ITPK1: variants seen among roughly 807,000 people sequenced by gnomAD.
ITPK1 encodes inositol 1,3,4-trisphosphate 5/6-kinase.
In ITPK1, 21 loss-of-function variants were observed where a neutral mutation model predicts 45.3. The observed-to-expected ratio is 0.46, with a 90% CI of 0.33 to 0.67. The LOEUF (loss-of-function observed/expected upper bound fraction) is 0.67, where lower values mean the gene tolerates loss of function less well. Ranked by LOEUF, ITPK1 falls within the 30% of genes least tolerant of loss-of-function variation. The pLI is 0.02. For synonymous variants in ITPK1, 258 were observed against 253.6 expected, an observed-to-expected ratio of 1.02 and a Z score of -0.16; for missense variants, 474 against 573.5, an observed-to-expected ratio of 0.83 and a Z score of 1.77.
intron 2 of ITPK1, among the ~76,000 whole-genome samples, chr14:93,112,998 G>A (rs917093527): frequency 1.3e-5 from 2 of 152,194 alleles, no homozygotes; most frequent in Non-Finnish European, 2.9e-5. Flanking sequence ...CCACCAGGGG[G>A]CACTGCCCTG....
At chr14:92,946,247 C>T in intron 10 of ITPK1, 84 bp downstream of exon 10, 1 of 1,514,496 alleles carries the variant, frequency 6.6e-7, no homozygotes, top group Non-Finnish European at 9.0e-7. Flanking sequence ...GCTTTCTGGC[C>T]TCAGTCACCC....
intron 2 of ITPK1, among the ~76,000 whole-genome samples, chr14:93,099,379 C>T (rs933997207): frequency 6.6e-6 from 1 of 152,172 alleles, no homozygotes; most frequent in East Asian, 1.9e-4. Context: ...ATTGTGTTTA[C>T]ATAACACGAG....
At chr14:93,044,872 G>C (rs1889715109) in intron 3 of ITPK1, among the ~76,000 whole-genome samples, 2 of 152,130 alleles carry the variant, frequency 1.3e-5, no homozygotes, top group East Asian at 3.9e-4. Context: ...TGGTTCTTTA[G>C]GATATATCTT....
intron 4 of ITPK1, among the ~76,000 whole-genome samples, chr14:92,999,260 G>A (rs1049476212): frequency 6.6e-6 from 1 of 152,226 alleles, no homozygotes; most frequent in Non-Finnish European, 1.5e-5. Flanking sequence ...GCACCTTCCC[G>A]TATTTGCGGG....
rs1566784470 is a variant in ITPK1, at chr14:93,097,488, A to ACG, written c.95+17580_95+17581insCG. On this transcript the variant is annotated intron_variant, in intron 2 of 10. Coordinates refer to ENST00000267615, the MANE Select transcript of ITPK1 (RefSeq NM_014216.6). Reference sequence around the variant, plus strand: ...CCCCTTACCAGACTGCAAGCTGACCACACACACGCAAGGGATTCCTAGCAA... The same window carrying ACG: ...CCCCTTACCAGACTGCAAGCTGACCACGCACACACGCAAGGGATTCCTAGCAA... 6.5e-4 allele frequency among the ~76,000 whole-genome samples: 99 copies of ACG among 152,130 alleles called. 1 individual carries two copies. In the Middle Eastern group the frequency reaches 0.017, roughly 26 times the overall value.
intron 3 of ITPK1, among the ~76,000 whole-genome samples, chr14:93,059,784 ACGAGGCAGGGGTGGAGGGGGTGGGGGTCC>A (rs1890434357): frequency 1.5e-5 from 1 of 67,240 alleles, no homozygotes; most frequent in African/African-American, 6.3e-5. Context: ...GGTGCTGGTC[ACGAGGCAGGGGTGGAGGGGGTGGGGGTCC>A]CGAGGCAGGG....
intron 4 of ITPK1, among the ~76,000 whole-genome samples, chr14:93,001,242 A>C (rs1175464738): frequency 6.6e-6 from 1 of 152,082 alleles, no homozygotes; most frequent in Non-Finnish European, 1.5e-5. Flanking sequence ...GCATGAGCTG[A>C]GATTGTGCCA....
chr14:92,960,464 C>T (rs1020154382), intron 7 of ITPK1, among the ~76,000 whole-genome samples: 5 of 152,216 alleles, frequency 3.3e-5, no homozygotes, highest in Non-Finnish European at 5.9e-5. Context: ...CCGCTAACGT[C>T]TCCAGTCACA....
At chr14:93,035,878 G>A (rs1889295228) in intron 3 of ITPK1, among the ~76,000 whole-genome samples, 2 of 152,230 alleles carry the variant, frequency 1.3e-5, no homozygotes, top group African/African-American at 4.8e-5. Context: ...CTGGGCCCAG[G>A]GCCTAGCCAG....
At chr14:93,025,217 A>T (rs1888678708) in intron 3 of ITPK1, among the ~76,000 whole-genome samples, 1 of 152,026 alleles carries the variant, frequency 6.6e-6, no homozygotes, top group African/African-American at 2.4e-5. Context: ...CTCCAAGATG[A>T]AGGGCCTGGC....
intron 2 of ITPK1, among the ~76,000 whole-genome samples, chr14:93,107,957 C>T (rs1329591536): frequency 6.6e-6 from 1 of 152,210 alleles, no homozygotes; most frequent in Non-Finnish European, 1.5e-5. Context: ...CACCGTGGGC[C>T]GCAGCCGGGA....
At chr14:92,983,127 A>G (rs1220136516) in intron 5 of ITPK1, among the ~76,000 whole-genome samples, 1 of 152,178 alleles carries the variant, frequency 6.6e-6, no homozygotes. Context: ...AGCCCAGGAG[A>G]AGAGGAGCCA....
intron 4 of ITPK1, among the ~76,000 whole-genome samples, chr14:93,001,159 G>C (rs1358991708): frequency 6.6e-6 from 1 of 151,632 alleles, no homozygotes; most frequent in African/African-American, 2.4e-5. Context: ...CGGGCATGGT[G>C]GTGGGCGCCT....
chr14:93,032,183 C>G lies in ITPK1; in HGVS notation c.121-15382G>C, dbSNP rs1889095969. Among the ~76,000 whole-genome samples the G allele has an allele frequency of 6.6e-6, 1 of 152,130 alleles. No individual in the cohort carries two copies. Among genetic ancestry groups the G allele is most frequent in the Non-Finnish European group, 1.5e-5 (1 of 68,034 alleles). The stretch of plus-strand genomic sequence containing the variant: ...TGGGCAACACAGTGAAACCCCATCT[C>G]TACTAAAAGTGCAAAAATTAGCTGG... On this transcript the variant is annotated intron_variant, in intron 3 of 10. Coordinates refer to ENST00000267615, the MANE Select transcript of ITPK1 (RefSeq NM_014216.6). This position sits in a 1 kb window ranked among gnomAD's most constrained non-coding sequence, Gnocchi z 4.0.
intron 3 of ITPK1, among the ~76,000 whole-genome samples, chr14:93,051,582 C>T (rs1890009435): frequency 6.6e-6 from 1 of 151,324 alleles, no homozygotes; most frequent in Non-Finnish European, 1.5e-5. Flanking sequence ...TGCCACTGCA[C>T]TCCAGCCTGG....
chr14:92,984,870 T>C (rs955915257), intron 5 of ITPK1, among the ~76,000 whole-genome samples: 2 of 152,176 alleles, frequency 1.3e-5, no homozygotes, highest in Non-Finnish European at 2.9e-5. Context: ...CATCCACGGA[T>C]GCTACAAGAG....
intron 3 of ITPK1, among the ~76,000 whole-genome samples, chr14:93,018,426 T>A (rs1231079454): frequency 1.3e-5 from 2 of 151,978 alleles, no homozygotes; most frequent in Non-Finnish European, 2.9e-5. Context: ...CTTACTAAAC[T>A]CCTCTCCGTT....
intron 9 of ITPK1, among the ~76,000 whole-genome samples, chr14:92,947,799 A>G (rs1215626419): frequency 1.3e-5 from 2 of 152,170 alleles, no homozygotes; most frequent in African/African-American, 4.8e-5. Flanking sequence ...CATGAAAGAC[A>G]AAAGTGAAGC....
intron 2 of ITPK1, among the ~76,000 whole-genome samples, chr14:93,086,893 C>T (rs1439067485): frequency 1.3e-5 from 2 of 152,226 alleles, no homozygotes; most frequent in African/African-American, 4.8e-5. Context: ...TGGAGTATCT[C>T]CCTGGCCCCT....
Sources: allele counts gnomAD v4.1 joint callset (sites outside exome capture counted in the v4.1 genomes callset), GRCh38; gene constraint gnomAD v4.1.1; non-coding constraint Gnocchi (gnomAD v3.1); transcripts MANE v1.5; gene names NCBI Gene and HGNC (gene_info 2026-07-23, HGNC 2026-07-21).